CPB2: variants seen among roughly 807,000 people sequenced by gnomAD.
CPB2 encodes the protein carboxypeptidase B2.
A neutral mutation model predicts 57.0 loss-of-function variants in CPB2; 54 were observed. The ratio of observed to expected loss-of-function variants is 0.95; its 90% CI spans 0.76 to 1.19. The LOEUF is 1.19. CPB2 is among the 50% of genes most tolerant of loss of function. CPB2 has a pLI of 0.00. For synonymous variants in CPB2, 189 were observed against 178.1 expected, an observed-to-expected ratio of 1.06 and a Z score of -0.49; for missense variants, 426 against 512.0, an observed-to-expected ratio of 0.83 and a Z score of 1.62.
intron 8 of CPB2, among the ~76,000 whole-genome samples, chr13:46,062,152 A>C (rs1436957237): frequency 6.6e-6 from 1 of 152,072 alleles, no homozygotes; most frequent in Non-Finnish European, 1.5e-5. Flanking sequence ...CTTGATGACA[A>C]TAACAGAATA....
intron 4 of CPB2, among the ~76,000 whole-genome samples, chr13:46,079,518 A>G (rs1341810584): frequency 7.2e-6 from 1 of 138,454 alleles, no homozygotes; most frequent in African/African-American, 2.7e-5. Context: ...TGTCAAGATA[A>G]TAGGGGAAGG....
chr13:46,055,993 G>A (rs1827495279), intron 9 of CPB2, 144 bp from the exon 10 acceptor site: 3 of 429,262 alleles, frequency 7.0e-6, no homozygotes. Flanking sequence ...AAATAAATAA[G>A]GTAAACAAAT....
chr13:46,059,176 A>G (rs1466504318), intron 8 of CPB2, among the ~76,000 whole-genome samples: 1 of 152,236 alleles, frequency 6.6e-6, no homozygotes, highest in Non-Finnish European at 1.5e-5. Flanking sequence ...AAATAGTAAT[A>G]CTACCAGCTG....
chr13:46,089,910 C>T (rs189939926), intron 1 of CPB2, among the ~76,000 whole-genome samples: 16 of 152,258 alleles, frequency 1.1e-4, no homozygotes, highest in East Asian at 3.9e-4. Flanking sequence ...ACTGCCCAAA[C>T]GTACTAAGAC....
At chr13:46,072,847 A>G (rs556912964) in intron 6 of CPB2, among the ~76,000 whole-genome samples, 2 of 152,192 alleles carry the variant, frequency 1.3e-5, no homozygotes, top group Non-Finnish European at 2.9e-5. Context: ...TACCTAAAAT[A>G]ACCAAACTAC....
chr13:46,065,898 A>G (rs2044847627), intron 7 of CPB2, among the ~76,000 whole-genome samples: 1 of 152,198 alleles, frequency 6.6e-6, no homozygotes, highest in Admixed American at 6.5e-5. Flanking sequence ...GATTCAGGTT[A>G]AGGTGTAAAT....
chr13:46,096,226 C>T (rs2148413), intron 1 of CPB2: 2,163 of 152,418 alleles, frequency 0.014, 51 homozygotes, highest in African/African-American at 0.05. Flanking sequence ...AACTGCACTA[C>T]GACCTGAAAT....
chr13:46,076,522 G>T lies in CPB2; in HGVS notation c.486+2278C>A, dbSNP rs17844219. Among the ~76,000 whole-genome samples, 125 of 152,130 alleles carry T rather than the reference G, an allele frequency of 8.2e-4. 1 individual carries two copies. Among genetic ancestry groups the T allele is most frequent in the African/African-American group, 2.9e-3 (121 of 41,514 alleles). The stretch of plus-strand genomic sequence containing the variant: ...ATGAAAAGATACCTCATGCTCACGG[G>T]CTTAAGAATTAATATTGTTAAAATG... On this transcript the variant is annotated intron_variant, in intron 5 of 10. Transcript: ENST00000181383.
Position 46,079,472 on chromosome 13 carries a change from C to G in CPB2, c.385-571G>C, listed in dbSNP as rs1027563140. ...CAAGAAGTAGTTCGATTCTGGACCT[C>G]TCTCTTGGGTGGAAGTCCAGTTGTA... On this transcript the variant is annotated intron_variant, in intron 4 of 10. Transcript: ENST00000181383. 2.1e-5 allele frequency among the ~76,000 whole-genome samples: 3 copies of G among 146,194 alleles called. No individual in the cohort carries two copies. In the Admixed American group the frequency reaches 2.1e-4, roughly 10 times the overall value.
rs764793802 is a variant in CPB2 at position 46,087,834 on chromosome 13, TAA to T, written c.75-16_75-15del. 4.5e-6 allele frequency: 7 copies of T among 1,557,308 alleles called. No individual in the cohort carries two copies. Among genetic ancestry groups the T allele is most frequent in the Non-Finnish European group, 6.2e-6 (7 of 1,134,142 alleles). On this transcript the variant is annotated splice_polypyrimidine_tract_variant and intron_variant, in intron 1 of 10. Transcript: ENST00000181383. ...AGAACTTGGCCACTGGGGAAAAAAA[TAA>T]AAGAGGATTTTGATATTAAATAAAG...
At chr13:46,090,503 C>T (rs996915364) in intron 1 of CPB2, among the ~76,000 whole-genome samples, 1 of 151,642 alleles carries the variant, frequency 6.6e-6, no homozygotes, top group African/African-American at 2.4e-5. Context: ...GCTGGGATTA[C>T]AGGTGCACAC....
intron 8 of CPB2, among the ~76,000 whole-genome samples, chr13:46,063,565 C>T (rs914772814): frequency 6.6e-5 from 10 of 152,020 alleles, no homozygotes; most frequent in East Asian, 1.9e-4. Context: ...TTATCCAATC[C>T]GCCATTGACA....
At chr13:46,072,444 C>T (rs189956195) in intron 6 of CPB2, among the ~76,000 whole-genome samples, 1 of 152,076 alleles carries the variant, frequency 6.6e-6, no homozygotes, top group African/African-American at 2.4e-5. Context: ...TTTAAAAAGC[C>T]CTTATTGATT....
chr13:46,054,767 T>C (rs1330739430), intron 10 of CPB2, among the ~76,000 whole-genome samples: 3 of 151,700 alleles, frequency 2.0e-5, no homozygotes, highest in Admixed American at 6.6e-5. Context: ...TCGACCTTTT[T>C]TGAGATGGAG....
chr13:46,089,544 C>G (rs1167907546), intron 1 of CPB2, among the ~76,000 whole-genome samples: 1 of 152,140 alleles, frequency 6.6e-6, no homozygotes, highest in Non-Finnish European at 1.5e-5. Context: ...GTTCTATGAC[C>G]TTCATCAATT....
chr13:46,081,462 T>C (rs2045116601), intron 4 of CPB2, among the ~76,000 whole-genome samples: 1 of 151,904 alleles, frequency 6.6e-6, no homozygotes, highest in South Asian at 2.1e-4. Context: ...CTAAGTTGGA[T>C]AGATGTAGGA....
intron 1 of CPB2, among the ~76,000 whole-genome samples, chr13:46,102,776 AT>A (rs2045452529): frequency 6.6e-6 from 1 of 152,128 alleles, no homozygotes; most frequent in Non-Finnish European, 1.5e-5. Flanking sequence ...GTAGTTTGCA[AT>A]GTTATTTCCA....
In CPB2 at chr13:46,087,759, T is replaced by G. The variant is rs968823252; in HGVS notation, c.136A>C (p.Thr46Pro). ...SRQVQVLQNL[T>P]TTYEIVLWQP... Reference sequence around the variant, plus strand: ...GGAGAAATTACCTCATATGTTGTAGTAAGATTCTGTAGAACTTGAACTTGC... The same window carrying G: ...GGAGAAATTACCTCATATGTTGTAGGAAGATTCTGTAGAACTTGAACTTGC... Residue 46 changes from threonine (T) to proline (P), a missense_variant, in exon 2 of 11, where the codon ACT (threonine) becomes CCT (proline). Transcript: ENST00000181383. The G allele has an allele frequency of 6.8e-6, 11 of 1,609,176 alleles. No individual in the cohort carries two copies. Among genetic ancestry groups the G allele is most frequent in the African/African-American group, 4.0e-5 (3 of 74,706 alleles).
chr13:46,081,786 C>T (rs569668815), intron 4 of CPB2, among the ~76,000 whole-genome samples: 35 of 152,218 alleles, frequency 2.3e-4, no homozygotes, highest in South Asian at 2.1e-3. Flanking sequence ...AGTCCTCCTG[C>T]GAATTTATTC....
Sources: gnomAD v4.1 joint callset for allele counts (sites outside exome capture counted in the v4.1 genomes callset) on GRCh38, gnomAD v4.1.1 for gene constraint, MANE v1.5 for transcripts, NCBI Gene and HGNC (gene_info 2026-07-23, HGNC 2026-07-21) for gene names.